Variants in CSMD1 observed in about 807,000 individuals in gnomAD.
CSMD1 encodes the protein CUB and Sushi multiple domains 1.
CSMD1 carries 213 observed loss-of-function variants against 417.5 expected under a neutral mutation model. The observed-to-expected ratio is 0.51, with a 90% CI of 0.46 to 0.57. The LOEUF (loss-of-function observed/expected upper bound fraction) is 0.57. CSMD1 is among the 20% of genes least tolerant of loss of function. The pLI, the probability that CSMD1 is intolerant of heterozygous loss-of-function variation, is 0.00. For missense variants in CSMD1, 6,923 were observed against 4,529.7 expected, an observed-to-expected ratio of 1.53 and a Z score of -15.17; for synonymous variants, 2,862 against 1,736.8, an observed-to-expected ratio of 1.65 and a Z score of -16.11.
intron 11 of CSMD1, among the ~76,000 whole-genome samples, chr8:3,476,952 C>T (rs1817466273): frequency 6.7e-6 from 1 of 149,072 alleles, no homozygotes; most frequent in South Asian, 2.1e-4. Context: ...GTAAGTAGTT[C>T]AGGGTTTAAG....
At chr8:3,401,248 CATG>C (rs1314358762) in intron 15 of CSMD1, among the ~76,000 whole-genome samples, 10 of 152,046 alleles carry the variant, frequency 6.6e-5, no homozygotes, top group African/African-American at 9.7e-5. Context: ...CTAAAATCTG[CATG>C]ATAAGTTATT....
intron 2 of CSMD1, among the ~76,000 whole-genome samples, chr8:4,425,039 A>G (rs923813397): frequency 1.3e-5 from 2 of 152,114 alleles, no homozygotes; most frequent in African/African-American, 4.8e-5. Flanking sequence ...AGTTGAACAA[A>G]AACTATTGAG....
rs79819028 is a variant in CSMD1 at position 4,610,827 on chromosome 8, T to C, written c.302+26515A>G. Among the ~76,000 whole-genome samples, 99 of 152,294 alleles carry C rather than the reference T, an allele frequency of 6.5e-4. 2 individuals carry two copies. In the East Asian group the frequency reaches 0.018, roughly 28 times the overall value. On this transcript the variant is annotated intron_variant, in intron 2 of 69. Coordinates refer to ENST00000635120, the MANE Select transcript of CSMD1 (RefSeq NM_033225.6). ...TCAGGATGGCATGCATGCCTGTGAG[T>C]ATAAACAACTGCATGTGTGGCGAAA...
In CSMD1 at chr8:3,886,560, G is replaced by C. The variant is rs76398477; in HGVS notation, c.818+111343C>G. On this transcript the variant is annotated intron_variant, in intron 5 of 69. Transcript: ENST00000635120. ...ATGGACAGCACTTTAATGACGAAGC[G>C]TGGCTGTGTTGCAGGAAAAGTTTAT... is the stretch of plus-strand genomic sequence containing the variant. 1.5e-3 allele frequency among the ~76,000 whole-genome samples: 232 copies of C among 152,304 alleles called. 3 individuals carry two copies. The highest frequency in any genetic ancestry group is 5.3e-3 in the African/African-American group (219 of 41,572).
chr8:4,838,169 A>G (rs1237820712), intron 1 of CSMD1, among the ~76,000 whole-genome samples: 4 of 152,154 alleles, frequency 2.6e-5, no homozygotes, highest in African/African-American at 9.7e-5. Flanking sequence ...TACTTGTGGA[A>G]GTTAGCTTGT....
rs1419863104 is a variant in CSMD1, at chr8:3,237,754, TACTAC to T, written c.4154-7528_4154-7524del. Among the ~76,000 whole-genome samples the T allele has an allele frequency of 3.1e-3, 421 of 134,524 alleles. 12 individuals are homozygous for T. Among genetic ancestry groups the T allele is most frequent in the Middle Eastern group, 8.0e-3 (2 of 250 alleles). The allele number at this position is 134,524 out of a possible 152,430, so 88.3% of individuals were successfully genotyped here. On this transcript the variant is annotated intron_variant, in intron 26 of 69. Coordinates refer to ENST00000635120, the MANE Select transcript of CSMD1 (RefSeq NM_033225.6). ...AATATAATTTTTATAATTATACTTA[TACTAC>T]AAATATAATTTTTATAATTATACTT...
intron 5 of CSMD1, among the ~76,000 whole-genome samples, chr8:3,790,352 T>C (rs556168286): frequency 1.3e-5 from 2 of 152,148 alleles, no homozygotes; most frequent in South Asian, 2.1e-4. Flanking sequence ...GTGATGATGA[T>C]GGTGGTGATA....
At chr8:4,052,468 G>C (rs542789165) in intron 3 of CSMD1, among the ~76,000 whole-genome samples, 12 of 152,268 alleles carry the variant, frequency 7.9e-5, no homozygotes, top group African/African-American at 2.6e-4. Flanking sequence ...CTGCAAGATG[G>C]ATAATCTTTA....
chr8:3,057,741 G>C (rs775393394), intron 49 of CSMD1, among the ~76,000 whole-genome samples: 1 of 152,102 alleles, frequency 6.6e-6, no homozygotes, highest in African/African-American at 2.4e-5. Context: ...GCTGAATTCA[G>C]GTAGACTTTC....
intron 2 of CSMD1, among the ~76,000 whole-genome samples, chr8:4,466,405 A>C (rs377434631): frequency 2.6e-5 from 4 of 151,872 alleles, no homozygotes; most frequent in African/African-American, 9.7e-5. Flanking sequence ...AAACAAAGCC[A>C]AAAAAAACAC....
intron 3 of CSMD1, among the ~76,000 whole-genome samples, chr8:4,076,798 C>T (rs548030359): frequency 6.6e-6 from 1 of 152,284 alleles, no homozygotes; most frequent in African/African-American, 2.4e-5. Context: ...TCAGAGTATA[C>T]ACCATCACGC....
chr8:3,319,017 C>G (rs1400036610), intron 23 of CSMD1, among the ~76,000 whole-genome samples: 1 of 152,162 alleles, frequency 6.6e-6, no homozygotes, highest in Non-Finnish European at 1.5e-5. Flanking sequence ...TTCAGCCATT[C>G]CTATGGATCA....
rs1802161268 is a variant in CSMD1 at position 3,616,793 on chromosome 8, G to A, written c.1014C>T (p.Ser338=). Residue 338 remains serine, a synonymous_variant, in exon 8 of 70, where the codon AGC becomes AGT. Transcript: ENST00000635120. ...KDGSHKNSVL[S]QGGVALVSDM... is the part of the protein sequence containing the mutation. ...CAGAGACCAATGCAACACCTCCTTG[G>A]CTCACTGTAATAGACAGAAACATTG... 1 of 1,607,886 alleles carries A rather than the reference G, an allele frequency of 6.2e-7. No individual in the cohort carries two copies. The highest frequency in any genetic ancestry group is 8.5e-7 in the Non-Finnish European group (1 of 1,175,938).
At chr8:3,468,257 A>G (rs1816892883) in intron 12 of CSMD1, among the ~76,000 whole-genome samples, 1 of 152,234 alleles carries the variant, frequency 6.6e-6, no homozygotes, top group Non-Finnish European at 1.5e-5. Flanking sequence ...AAAGTTGTAA[A>G]CTAGCTCAAA....
intron 11 of CSMD1, among the ~76,000 whole-genome samples, chr8:3,471,597 T>TC (rs1270799149): frequency 1.1e-4 from 14 of 127,820 alleles, no homozygotes; most frequent in Non-Finnish European, 2.0e-4. Context: ...CTTCCCTCCC[T>TC]CCTTCTTCCT....
At chr8:4,064,301 T>C (rs1228214821) in intron 3 of CSMD1, among the ~76,000 whole-genome samples, 1 of 152,228 alleles carries the variant, frequency 6.6e-6, no homozygotes, top group East Asian at 1.9e-4. Flanking sequence ...TATCCTGCAA[T>C]GTTCCTGGGC....
intron 3 of CSMD1, among the ~76,000 whole-genome samples, chr8:4,202,564 A>T (rs1157218779): frequency 6.6e-6 from 1 of 152,138 alleles, no homozygotes; most frequent in Non-Finnish European, 1.5e-5. Context: ...TCGACAAATT[A>T]CTCCTGTATT....
chr8:4,783,977 G>C (rs755383648), intron 1 of CSMD1, among the ~76,000 whole-genome samples: 1 of 152,142 alleles, frequency 6.6e-6, no homozygotes, highest in Non-Finnish European at 1.5e-5. Context: ...ATTGGATGAG[G>C]TGCATGGCTA....
chr8:3,877,558 A>G (rs1001677318), intron 5 of CSMD1, among the ~76,000 whole-genome samples: 1 of 152,170 alleles, frequency 6.6e-6, no homozygotes, highest in Non-Finnish European at 1.5e-5. Flanking sequence ...AAGGCCAGAG[A>G]AAAAAATGAG....
Sources: allele counts gnomAD v4.1 joint callset (sites outside exome capture counted in the v4.1 genomes callset), GRCh38; gene constraint gnomAD v4.1.1; transcripts MANE v1.5; gene names NCBI Gene and HGNC (gene_info 2026-07-23, HGNC 2026-07-21).